Variants in LAMA1 observed in about 807,000 individuals in gnomAD.
The protein encoded by LAMA1 is laminin subunit alpha-1.
A neutral mutation model predicts 348.7 loss-of-function variants in LAMA1; 219 were observed. That is an observed-to-expected ratio of 0.63 (90% CI 0.56 to 0.70). LAMA1 has a LOEUF of 0.70. Among genes scored for constraint, LAMA1 ranks in the 30% least tolerant of loss-of-function variants. The pLI, the probability that LAMA1 is intolerant of heterozygous loss-of-function variation, is 0.00. For missense variants in LAMA1, 3,744 were observed against 3,888.0 expected (o/e 0.96, Z 0.99); for synonymous variants, 1,487 against 1,491.0 (o/e 1.00, Z 0.06).
rs1319647759 is a variant in LAMA1, at chr18:6,993,700, A to T, written c.4949T>A (p.Ile1650Asn). 1 of 1,614,046 alleles carries T rather than the reference A, an allele frequency of 6.2e-7. No homozygotes were observed. Among genetic ancestry groups the T allele is most frequent in the Non-Finnish European group, 8.5e-7 (1 of 1,179,962 alleles). Residue 1650 changes from isoleucine (I) to asparagine (N), a missense_variant, in exon 35 of 63, where the codon ATC becomes AAC. Ile to Asn is a moderately radical substitution (Grantham distance 149). Coordinates refer to ENST00000389658, the MANE Select transcript of LAMA1 (RefSeq NM_005559.4). ...TQKVNRATER[I>N]FKESQDLAIA... ...GGCCAGGTCTTGACTCTCCTTGAAG[A>T]TTCTCTCAGTTGCCCTATTCACCTT...
intron 29 of LAMA1, among the ~76,000 whole-genome samples, chr18:7,004,318 A>G (rs1396690345): frequency 2.6e-5 from 4 of 152,206 alleles, no homozygotes; most frequent in African/African-American, 9.6e-5. Flanking sequence ...CCTTGTCCTC[A>G]GTCTCCCCAG....
chr18:6,961,119 C>G (rs1318980798), intron 53 of LAMA1, among the ~76,000 whole-genome samples: 1 of 152,194 alleles, frequency 6.6e-6, no homozygotes, highest in Non-Finnish European at 1.5e-5. Flanking sequence ...TCATTTCTCT[C>G]CTTTCCCCCT....
At chr18:6,950,755 G>A in intron 58 of LAMA1, 27 bp downstream of exon 58, 1 of 1,612,270 alleles carries the variant, frequency 6.2e-7, no homozygotes, top group Non-Finnish European at 8.5e-7. Flanking sequence ...CTCAGAAGCA[G>A]CCACCACAAG....
chr18:6,995,520 C>A, intron 33 of LAMA1, 74 bp from the exon 34 acceptor site: 1 of 827,418 alleles, frequency 1.2e-6, no homozygotes, highest in Non-Finnish European at 2.1e-6. Context: ...GAAGCACTTG[C>A]ATTTCTTTTT....
rs1258698727 is a variant in LAMA1 at position 6,985,253 on chromosome 18, C to T, written c.5644G>A (p.Ala1882Thr). ...EDHAAEFQRLADVLYSGLENI... is the reference protein window; with the variant it reads ...EDHAAEFQRLTDVLYSGLENI... The stretch of plus-strand genomic sequence containing the variant: ...TGTTCCTACCTGTACAGAACATCTG[C>T]TAGTCTCTGGAACTCAGCGGCATGG... Residue 1882 changes from alanine to threonine, a missense_variant, in exon 39 of 63, where the codon GCA (alanine) becomes ACA (threonine). By Grantham distance (58) the Ala-to-Thr change is moderately conservative (BLOSUM62 0). Transcript: ENST00000389658. 1.2e-6 allele frequency: 2 copies of T among 1,614,136 alleles called. No homozygotes were observed.
At chr18:6,992,752 G>T in intron 35 of LAMA1, 32 bp from the exon 36 acceptor site, 2 of 1,591,274 alleles carry the variant, frequency 1.3e-6, no homozygotes, top group Non-Finnish European at 1.7e-6. Flanking sequence ...TATTTAATAA[G>T]CCTCTCAAAA....
At chr18:7,096,181 T>C (rs2058260525) in intron 1 of LAMA1, among the ~76,000 whole-genome samples, 1 of 152,244 alleles carries the variant, frequency 6.6e-6, no homozygotes, top group Non-Finnish European at 1.5e-5. Context: ...GATAGTTAGC[T>C]GGTGGTTCTC....
At chr18:7,042,366 G>C (rs1271027577) in intron 8 of LAMA1, 116 bp from the exon 9 acceptor site, 1 of 708,358 alleles carries the variant, frequency 1.4e-6, no homozygotes, top group South Asian at 1.5e-5. Flanking sequence ...CGATGATTTT[G>C]TGCATGGGGG....
chr18:6,979,699 A>G (rs911696171), intron 42 of LAMA1, among the ~76,000 whole-genome samples: 11 of 152,106 alleles, frequency 7.2e-5, no homozygotes, highest in African/African-American at 1.7e-4. Context: ...GGAGATCGAG[A>G]CCATCCTGGC....
In LAMA1 at chr18:6,951,005, A is replaced by C. The variant is rs775289966; in HGVS notation, c.8208-34T>G. The C allele has an allele frequency of 7.5e-6, 12 of 1,591,458 alleles. No individual in the cohort carries two copies. In the African/African-American group the frequency reaches 1.2e-4, roughly 16 times the overall value. ...AACAAGTGCTCAGCGTTGAGAAAGGAAACTTTTACTTTTCATTTTTAAAAC... is the reference window on the plus strand; with the variant it reads ...AACAAGTGCTCAGCGTTGAGAAAGGCAACTTTTACTTTTCATTTTTAAAAC... On this transcript the variant is annotated intron_variant, in intron 57 of 62. Coordinates refer to ENST00000389658, the MANE Select transcript of LAMA1 (RefSeq NM_005559.4).
rs750362977 is a variant in LAMA1, at chr18:6,964,748, G to A, written c.7251C>T (p.Gly2417=). Residue 2417 remains glycine (G), a synonymous_variant, in exon 51 of 63, where the codon GGC becomes GGT. Transcript: ENST00000389658. ...YNTSNKETKQ[G]ETPGASSDLN... is the part of the protein sequence containing the mutation. ...GGTCAGAAGATGCTCCCGGAGTCTCGCCCTGCTTGGTTTCTTTATTACTGG... is the reference window on the plus strand; with the variant it reads ...GGTCAGAAGATGCTCCCGGAGTCTCACCCTGCTTGGTTTCTTTATTACTGG... 12 of 1,613,880 alleles carry A rather than the reference G, an allele frequency of 7.4e-6. No individual in the cohort carries two copies. Among genetic ancestry groups the A allele is most frequent in the African/African-American group, 6.7e-5 (5 of 74,862 alleles).
At chr18:6,992,438 T>A in intron 36 of LAMA1, 123 bp downstream of exon 36, 1 of 1,099,758 alleles carries the variant, frequency 9.1e-7, no homozygotes, top group Non-Finnish European at 1.4e-6. Flanking sequence ...CCCCTTCTCC[T>A]CTCTTAGGAT....
At chr18:7,079,134 C>T (rs977684801) in intron 3 of LAMA1, among the ~76,000 whole-genome samples, 2 of 152,180 alleles carry the variant, frequency 1.3e-5, no homozygotes, top group Non-Finnish European at 2.9e-5. Flanking sequence ...TGTCTTTTAA[C>T]CGATCTCATA....
chr18:7,037,757 A>T lies in LAMA1; in HGVS notation c.1564-6T>A. The T allele has an allele frequency of 3.1e-6, 5 of 1,614,092 alleles. No homozygotes were observed. The highest frequency in any genetic ancestry group is 4.2e-6 in the Non-Finnish European group (5 of 1,179,966). On this transcript the variant is annotated splice_region_variant and splice_polypyrimidine_tract_variant and intron_variant, in intron 11 of 62. Coordinates refer to ENST00000389658, the MANE Select transcript of LAMA1 (RefSeq NM_005559.4). Reference sequence around the variant, plus strand: ...CACCCGGACATACTGTTTACCTTAAAAACAAATTCAAGAATTTTGAAGTAT... The same window carrying T: ...CACCCGGACATACTGTTTACCTTAATAACAAATTCAAGAATTTTGAAGTAT...
intron 29 of LAMA1, among the ~76,000 whole-genome samples, chr18:7,006,161 T>G (rs191168612): frequency 3.3e-5 from 5 of 152,340 alleles, no homozygotes; most frequent in Non-Finnish European, 7.4e-5. Flanking sequence ...TATTTTGTTA[T>G]CTGCCTCATT....
rs577646385 is a variant in LAMA1, at chr18:7,116,801, CTCTT to C, written c.61+855_61+858del. On this transcript the variant is annotated intron_variant, in intron 1 of 62. Transcript: ENST00000389658. ...TTTCTTTCTTTTTCTTTCTTTCTCT[CTCTT>C]TCTTTTCTCTTTCTCTCTCTCTTTC... 2.9e-3 allele frequency among the ~76,000 whole-genome samples: 437 copies of C among 151,434 alleles called. 2 individuals are homozygous for C. Among genetic ancestry groups the C allele is most frequent in the African/African-American group, 0.01 (418 of 40,752 alleles).
At chr18:7,085,402 T>C (rs2058210590) in intron 1 of LAMA1, among the ~76,000 whole-genome samples, 1 of 123,572 alleles carries the variant, frequency 8.1e-6, no homozygotes, top group Non-Finnish European at 1.5e-5. Context: ...TCTTTTTTTC[T>C]TCTTCTTCTT....
At chr18:7,089,758 C>T (rs1044437638) in intron 1 of LAMA1, among the ~76,000 whole-genome samples, 1 of 152,114 alleles carries the variant, frequency 6.6e-6, no homozygotes, top group Non-Finnish European at 1.5e-5. Context: ...ACATGTTCTC[C>T]GTGAATGCTG....
intron 3 of LAMA1, among the ~76,000 whole-genome samples, chr18:7,071,336 C>T (rs148982084): frequency 9.2e-4 from 140 of 152,090 alleles, no homozygotes; most frequent in Middle Eastern, 6.8e-3. Flanking sequence ...ATAACATGGA[C>T]GAGGAAAAAA....
Sources: gnomAD v4.1 joint callset for allele counts (sites outside exome capture counted in the v4.1 genomes callset) on GRCh38, gnomAD v4.1.1 for gene constraint, MANE v1.5 for transcripts, NCBI Gene and HGNC (gene_info 2026-07-23, HGNC 2026-07-21) for gene names.